The following BBX variants were observed in gnomAD, a reference collection of about 807,000 sequenced individuals.
BBX encodes the protein HMG box transcription factor BBX.
Under a neutral mutation model 100.2 loss-of-function variants are expected in BBX, and 30 were observed. The ratio of observed to expected loss-of-function variants is 0.30; its 90% CI spans 0.22 to 0.41. The LOEUF is 0.41. Among genes scored for constraint, BBX ranks in the 10% least tolerant of loss-of-function variants. The pLI, the probability that BBX is intolerant of heterozygous loss-of-function variation, is 1.00. For missense variants in BBX, 1,023 were observed against 1,129.8 expected, an observed-to-expected ratio of 0.91 and a Z score of 1.35; for synonymous variants, 376 against 388.1, an observed-to-expected ratio of 0.97 and a Z score of 0.37.
At chr3:107,711,801 C>CT (rs1358731789) in intron 4 of BBX, among the ~76,000 whole-genome samples, 1 of 151,930 alleles carries the variant, frequency 6.6e-6, no homozygotes. Context: ...AAGCAGTCTC[C>CT]TGTTTCCATG....
intron 10 of BBX, among the ~76,000 whole-genome samples, chr3:107,761,376 A>G (rs983372173): frequency 2.0e-5 from 3 of 152,232 alleles, no homozygotes; most frequent in Non-Finnish European, 4.4e-5. Context: ...TTACACAGTG[A>G]TAAAAGCAGC....
At position 107,711,360 on chromosome 3, in the gene BBX, A is replaced by C. The variant is rs1387670163; in HGVS notation, c.162+738A>C. The C allele has an allele frequency of 8.5e-6, 4 of 470,920 alleles. No individual in the cohort carries two copies. In the Admixed American group the frequency reaches 9.4e-5, roughly 11 times the overall value. 29.2% of individuals were successfully genotyped at this position (470,920 alleles called of 1,614,324 possible). On this transcript the variant is annotated intron_variant, in intron 4 of 17. Coordinates refer to ENST00000325805, the MANE Select transcript of BBX (RefSeq NM_001142568.3). ...CTCAGAAATGAGAATGGTGCCTGGC[A>C]CATAGTAGGTATTAAATATAGATGT...
intron 2 of BBX, among the ~76,000 whole-genome samples, chr3:107,607,357 A>ACAGTG (rs2107642271): frequency 6.6e-6 from 1 of 152,286 alleles, no homozygotes; most frequent in East Asian, 1.9e-4. Flanking sequence ...CTGGGATTAC[A>ACAGTG]GGTGTGAGCC....
chr3:107,782,564 A>T (rs780125109), intron 13 of BBX, among the ~76,000 whole-genome samples: 14 of 152,056 alleles, frequency 9.2e-5, no homozygotes, highest in Non-Finnish European at 1.9e-4. Context: ...TGCTAGGCTC[A>T]TGCTGAAGTG....
At chr3:107,705,476 G>A (rs762194236) in intron 3 of BBX, among the ~76,000 whole-genome samples, 4 of 152,062 alleles carry the variant, frequency 2.6e-5, no homozygotes, top group East Asian at 3.9e-4. Context: ...AATTTATGAC[G>A]GTGCCAAGGC....
intron 2 of BBX, among the ~76,000 whole-genome samples, chr3:107,628,501 A>G (rs895096528): frequency 2.0e-5 from 3 of 152,250 alleles, no homozygotes; most frequent in South Asian, 2.1e-4. Context: ...AATAGATTAA[A>G]TAATTTTTTT....
intron 2 of BBX, among the ~76,000 whole-genome samples, chr3:107,638,794 CA>C (rs2057017418): frequency 2.1e-5 from 2 of 95,896 alleles, no homozygotes; most frequent in African/African-American, 4.1e-5. Flanking sequence ...CACACACACA[CA>C]CACACACACA....
intron 3 of BBX, among the ~76,000 whole-genome samples, chr3:107,688,395 G>T (rs1576341308): frequency 6.6e-6 from 1 of 152,328 alleles, no homozygotes; most frequent in East Asian, 1.9e-4. Flanking sequence ...GTCACAGTTG[G>T]CAAAGTTTGC....
intron 2 of BBX, among the ~76,000 whole-genome samples, chr3:107,556,009 A>T (rs2050070884): frequency 6.6e-6 from 1 of 152,200 alleles, no homozygotes; most frequent in African/African-American, 2.4e-5. Context: ...GAGGCTTTGA[A>T]GTTTATCCCT....
chr3:107,562,078 C>T (rs958787231), intron 2 of BBX, among the ~76,000 whole-genome samples: 4 of 152,190 alleles, frequency 2.6e-5, no homozygotes, highest in Admixed American at 2.0e-4. Context: ...TATGCCATTT[C>T]CTATTCACAT....
At chr3:107,597,517 T>G (rs1347731865) in intron 2 of BBX, among the ~76,000 whole-genome samples, 3 of 152,210 alleles carry the variant, frequency 2.0e-5, no homozygotes. Flanking sequence ...AATTAGTATA[T>G]GAATATTATT....
intron 16 of BBX, among the ~76,000 whole-genome samples, chr3:107,799,718 T>G (rs545292390): frequency 1.1e-3 from 160 of 152,272 alleles, no homozygotes; most frequent in African/African-American, 3.8e-3. Context: ...TGCTTCTGGA[T>G]TTCTTGAGTT....
chr3:107,706,021 A>C (rs1420053627), intron 3 of BBX, among the ~76,000 whole-genome samples: 1 of 123,686 alleles, frequency 8.1e-6, no homozygotes, highest in Non-Finnish European at 1.6e-5. Flanking sequence ...TGAGCTTGCT[A>C]CTTTTTTTTT....
Position 107,808,464 on chromosome 3 carries a change from G to A in BBX, c.*3007G>A, listed in dbSNP as rs1329572042. The A allele has an allele frequency of 3.9e-5, 6 of 152,140 alleles. No individual in the cohort carries two copies. Among genetic ancestry groups the A allele is most frequent in the Admixed American group, 6.5e-5 (1 of 15,270 alleles). The allele number at this position is 152,140 out of a possible 1,614,324, so 9.4% of individuals were successfully genotyped here. Reference sequence around the variant, plus strand: ...TGCGATGCTGGAAGTAGAAGATTGCGTCTCAGATGGAGACGCAGTACTGTT... The same window carrying A: ...TGCGATGCTGGAAGTAGAAGATTGCATCTCAGATGGAGACGCAGTACTGTT... On this transcript the variant is annotated 3_prime_UTR_variant, in exon 18 of 18. Transcript: ENST00000325805.
chr3:107,685,893 G>T (rs1405216457), intron 3 of BBX, among the ~76,000 whole-genome samples: 1 of 152,086 alleles, frequency 6.6e-6, no homozygotes, highest in Non-Finnish European at 1.5e-5. Flanking sequence ...TTGTTAGATT[G>T]TTCTCAAAAT....
At chr3:107,690,886 C>A (rs927315920) in intron 3 of BBX, among the ~76,000 whole-genome samples, 1 of 86,414 alleles carries the variant, frequency 1.2e-5, no homozygotes, top group Non-Finnish European at 2.6e-5. Context: ...TTTGATGCCC[C>A]CCCCCCTTTT....
In BBX at chr3:107,652,536, G is replaced by A. The variant is rs2057899581; in HGVS notation, c.-10+6627G>A. The stretch of plus-strand genomic sequence containing the variant: ...TCAAACTCAAAAACCTTGTATATAA[G>A]GAATTTTACCTGTGTATTTCTTCTT... On this transcript the variant is annotated intron_variant, in intron 3 of 17. Transcript: ENST00000325805. Among the ~76,000 whole-genome samples, 6 of 152,236 alleles carry A rather than the reference G, an allele frequency of 3.9e-5. No individual in the cohort carries two copies. In the South Asian group the frequency reaches 1.2e-3, roughly 32 times the overall value.
chr3:107,533,222 A>G (rs1190964719), intron 2 of BBX, among the ~76,000 whole-genome samples: 1 of 152,226 alleles, frequency 6.6e-6, no homozygotes, highest in Non-Finnish European at 1.5e-5. Context: ...ATCCTGAAGC[A>G]TATCAGGACC....
At chr3:107,748,129 T>G in intron 9 of BBX, 90 bp downstream of exon 9, 1 of 1,077,568 alleles carries the variant, frequency 9.3e-7, no homozygotes. Context: ...ATAGTGAACT[T>G]TAGGCATGCC....
Sources: allele counts gnomAD v4.1 joint callset (sites outside exome capture counted in the v4.1 genomes callset), GRCh38; gene constraint gnomAD v4.1.1; transcripts MANE v1.5; gene names NCBI Gene and HGNC (gene_info 2026-07-23, HGNC 2026-07-21).